ARHGAP15: variants seen among roughly 807,000 people sequenced by gnomAD.
The protein encoded by ARHGAP15 is Rho GTPase activating protein 15.
ARHGAP15 carries 51 observed loss-of-function variants against 63.7 expected under a neutral mutation model. The observed-to-expected ratio is 0.80, with a 90% CI of 0.64 to 1.01. The LOEUF (loss-of-function observed/expected upper bound fraction) is 1.01. Ranked by LOEUF, ARHGAP15 falls within the 50% of genes least tolerant of loss-of-function variation. The probability of loss-of-function intolerance (pLI) is 0.00; values close to 1 mark genes in which losing one functional copy is unlikely to be tolerated. For missense variants in ARHGAP15, 560 were observed against 564.6 expected, an observed-to-expected ratio of 0.99 and a Z score of 0.08; for synonymous variants, 191 against 193.8, an observed-to-expected ratio of 0.99 and a Z score of 0.12.
chr2:143,420,281 T>C (rs1688862635), intron 6 of ARHGAP15, among the ~76,000 whole-genome samples: 1 of 152,018 alleles, frequency 6.6e-6, no homozygotes, highest in African/African-American at 2.4e-5. Flanking sequence ...AATAATGACA[T>C]GGGGAAAGAA....
At chr2:143,396,022 G>A (rs1231593898) in intron 6 of ARHGAP15, among the ~76,000 whole-genome samples, 5 of 152,034 alleles carry the variant, frequency 3.3e-5, no homozygotes, top group African/African-American at 1.2e-4. Flanking sequence ...GGAAACACAA[G>A]TACTTCCTTC....
chr2:143,546,917 A>T (rs1196066588), intron 10 of ARHGAP15, among the ~76,000 whole-genome samples: 1 of 152,152 alleles, frequency 6.6e-6, no homozygotes, highest in African/African-American at 2.4e-5. Context: ...CAAGACTAAG[A>T]TTTTTTTAAA....
intron 6 of ARHGAP15, among the ~76,000 whole-genome samples, chr2:143,416,755 A>T (rs1168282126): frequency 1.3e-5 from 2 of 151,644 alleles, no homozygotes; most frequent in African/African-American, 4.8e-5. Context: ...CCATTTACAG[A>T]CTGTCTTAGT....
intron 13 of ARHGAP15, among the ~76,000 whole-genome samples, chr2:143,737,047 A>G (rs988031965): frequency 1.3e-5 from 2 of 152,266 alleles, no homozygotes; most frequent in Non-Finnish European, 2.9e-5. Context: ...AATTACAATA[A>G]TAAGTACAAC....
At chr2:143,369,289 T>A (rs1036674835) in intron 6 of ARHGAP15, among the ~76,000 whole-genome samples, 1 of 152,138 alleles carries the variant, frequency 6.6e-6, no homozygotes, top group African/African-American at 2.4e-5. Context: ...ATCTCTTTTT[T>A]ATCTTAAATT....
In ARHGAP15 at chr2:143,356,405, AC is replaced by A. The variant is rs890912794; in HGVS notation, c.475-79190del. Among the ~76,000 whole-genome samples the A allele has an allele frequency of 1.1e-4, 16 of 152,000 alleles. No homozygotes were observed. In the South Asian group the frequency reaches 3.3e-3, roughly 32 times the overall value. On this transcript the variant is annotated intron_variant, in intron 6 of 13. Coordinates refer to ENST00000295095, the MANE Select transcript of ARHGAP15 (RefSeq NM_018460.4). ...AAAGAAATTGCAACATGAAGGCACC[AC>A]CCCCCTTCCCCCACCATGATCTTTT...
chr2:143,602,485 TTTTG>T (rs1402022152), intron 11 of ARHGAP15, among the ~76,000 whole-genome samples: 4 of 152,094 alleles, frequency 2.6e-5, no homozygotes, highest in African/African-American at 9.7e-5. Flanking sequence ...TTGTTGTTGT[TTTTG>T]TTTGTTTGCT....
At position 143,437,064 on chromosome 2, in the gene ARHGAP15, C is replaced by T. The variant is rs1300558758; in HGVS notation, c.703+22C>T. ...TTAAGTGAGTATTTTCTTTGACTTG[C>T]TCATTTTAAGTTTGTCTAAATGCAG... On this transcript the variant is annotated intron_variant, in intron 8 of 13. Transcript: ENST00000295095. The T allele has an allele frequency of 5.7e-6, 9 of 1,584,138 alleles. No homozygotes were observed. The East Asian group carries it at 1.4e-4, about 24-fold the overall frequency.
chr2:143,755,322 A>C (rs1474892875), intron 13 of ARHGAP15, among the ~76,000 whole-genome samples: 5 of 151,868 alleles, frequency 3.3e-5, no homozygotes, highest in African/African-American at 1.2e-4. Flanking sequence ...ATATCTAAGT[A>C]GTAGAATTAT....
At chr2:143,271,262 A>C (rs1262303570) in intron 6 of ARHGAP15, among the ~76,000 whole-genome samples, 1 of 152,316 alleles carries the variant, frequency 6.6e-6, no homozygotes, top group East Asian at 1.9e-4. Context: ...AAAAAAGCAA[A>C]TCTTCCATTT....
At chr2:143,544,248 C>A (rs1330337903) in intron 10 of ARHGAP15, among the ~76,000 whole-genome samples, 1 of 152,138 alleles carries the variant, frequency 6.6e-6, no homozygotes, top group African/African-American at 2.4e-5. Flanking sequence ...TTTTGAACCT[C>A]ATTTTAAGAG....
intron 12 of ARHGAP15, among the ~76,000 whole-genome samples, chr2:143,661,346 G>A (rs928112213): frequency 3.3e-5 from 5 of 152,074 alleles, no homozygotes; most frequent in African/African-American, 9.7e-5. Context: ...ACGTTAAGTC[G>A]ATATAACATT....
In ARHGAP15 at chr2:143,286,416, A is replaced by G. The variant is rs534599531; in HGVS notation, c.474+35816A>G. Among the ~76,000 whole-genome samples, 15 of 152,342 alleles carry G rather than the reference A, an allele frequency of 9.8e-5. 1 individual carries two copies. In the South Asian group the frequency reaches 1.9e-3, roughly 19 times the overall value. On this transcript the variant is annotated intron_variant, in intron 6 of 13. Transcript: ENST00000295095. ...ACATGAGAACAAGGTAAATGGAACAATTCTAAGTTTTTTAGTTTTTCTTTG... is the reference window on the plus strand; with the variant it reads ...ACATGAGAACAAGGTAAATGGAACAGTTCTAAGTTTTTTAGTTTTTCTTTG...
At chr2:143,568,094 C>T (rs906740861) in intron 11 of ARHGAP15, among the ~76,000 whole-genome samples, 1 of 152,122 alleles carries the variant, frequency 6.6e-6, no homozygotes, top group African/African-American at 2.4e-5. Context: ...CAATACCATT[C>T]AGGACATAGG....
intron 2 of ARHGAP15, among the ~76,000 whole-genome samples, chr2:143,195,086 AT>A (rs1691838104): frequency 1.3e-5 from 2 of 152,138 alleles, no homozygotes; most frequent in Admixed American, 1.3e-4. Flanking sequence ...ATAAACTTTT[AT>A]TTGTCCTCAA....
intron 13 of ARHGAP15, among the ~76,000 whole-genome samples, chr2:143,712,116 G>A (rs1684607872): frequency 6.6e-6 from 1 of 152,148 alleles, no homozygotes; most frequent in Non-Finnish European, 1.5e-5. Flanking sequence ...GTCCAAGCTA[G>A]AGATCCCCAG....
intron 6 of ARHGAP15, among the ~76,000 whole-genome samples, chr2:143,383,916 A>G (rs1172273055): frequency 4.6e-5 from 7 of 152,192 alleles, no homozygotes; most frequent in Non-Finnish European, 8.8e-5. Context: ...CTATGATGAA[A>G]TATTTACAGC....
At chr2:143,447,842 A>G (rs1190271824) in intron 8 of ARHGAP15, among the ~76,000 whole-genome samples, 2 of 152,182 alleles carry the variant, frequency 1.3e-5, no homozygotes, top group Non-Finnish European at 2.9e-5. Flanking sequence ...GATTTTATGC[A>G]TGAGGAATGA....
intron 8 of ARHGAP15, among the ~76,000 whole-genome samples, chr2:143,440,645 ATACTT>A (rs1377397756): frequency 3.3e-5 from 5 of 152,236 alleles, no homozygotes; most frequent in African/African-American, 1.2e-4. Flanking sequence ...ATGTTTACAT[ATACTT>A]TTCTTTTAAA....
Sources: allele counts gnomAD v4.1 joint callset (sites outside exome capture counted in the v4.1 genomes callset), GRCh38; gene constraint gnomAD v4.1.1; transcripts MANE v1.5; gene names NCBI Gene and HGNC (gene_info 2026-07-23, HGNC 2026-07-21).